The following OPN3 variants were observed in gnomAD, a reference collection of about 807,000 sequenced individuals.
The protein encoded by OPN3 is opsin-3.
In OPN3, 29 loss-of-function variants were observed where a neutral mutation model predicts 33.8. That is an observed-to-expected ratio of 0.86 (90% CI 0.64 to 1.17). The LOEUF (loss-of-function observed/expected upper bound fraction) is 1.17. Ranked by LOEUF, OPN3 falls within the 50% of genes most tolerant of loss-of-function variation. OPN3 has a pLI of 0.00. For synonymous variants in OPN3, 216 were observed against 216.1 expected (o/e 1.00, Z 0.00); for missense variants, 437 against 514.1 (o/e 0.85, Z 1.45).
intron 1 of OPN3, among the ~76,000 whole-genome samples, chr1:241,606,586 T>TAAATAAAA (rs774162885): frequency 3.0e-4 from 38 of 126,970 alleles, no homozygotes; most frequent in South Asian, 1.6e-3. Flanking sequence ...AATAAATAAA[T>TAAATAAAA]AAAATAAATA....
chr1:241,604,658 G>T, intron 1 of OPN3, 79 bp from the exon 2 acceptor site: 1 of 1,257,814 alleles, frequency 8.0e-7, no homozygotes, highest in Non-Finnish European at 1.1e-6. Flanking sequence ...ATTCTCCACT[G>T]GAAATACCTT....
chr1:241,609,023 A>G (rs1429525999), intron 1 of OPN3, among the ~76,000 whole-genome samples: 1 of 152,230 alleles, frequency 6.6e-6, no homozygotes, highest in Non-Finnish European at 1.5e-5. Flanking sequence ...TTTGATTCCC[A>G]CAACACTCCA....
intron 2 of OPN3, among the ~76,000 whole-genome samples, chr1:241,601,455 A>G (rs886404906): frequency 6.6e-6 from 1 of 152,124 alleles, no homozygotes; most frequent in African/African-American, 2.4e-5. Context: ...CTGTAATCCT[A>G]GCACTTTGGG....
At chr1:241,619,609 C>T (rs1263495182) in intron 1 of OPN3, among the ~76,000 whole-genome samples, 1 of 152,154 alleles carries the variant, frequency 6.6e-6, no homozygotes, top group Admixed American at 6.5e-5. Context: ...TAACTAAATG[C>T]CCTTGAGGTT....
In OPN3 at chr1:241,604,338, G is replaced by C. The variant is rs1558438498; in HGVS notation, c.615C>G (p.Phe205Leu). 3 of 1,614,188 alleles carry C rather than the reference G, an allele frequency of 1.9e-6. No individual in the cohort carries two copies. The South Asian group carries it at 3.3e-5, about 18-fold the overall frequency. ...KDANDSSFVLFLFLGCLVVPL... is the reference protein window; with the variant it reads ...KDANDSSFVLLLFLGCLVVPL... ...GCACCACCAGGCAGCCAAGAAATAA[G>C]AAAAGCACAAAGGAGGAATCGTTGG... Residue 205 changes from phenylalanine (F) to leucine (L), a missense_variant, in exon 2 of 4, where the codon TTC (phenylalanine) becomes TTG (leucine). Phe to Leu is a conservative substitution (Grantham distance 22). Transcript: ENST00000366554.
rs570648518 is a variant in OPN3, at chr1:241,639,825, C to CG, written c.373+56dup. On this transcript the variant is annotated intron_variant, in intron 1 of 3. Transcript: ENST00000366554. Reference sequence around the variant, plus strand: ...GGGGGCGGACGCACGGAGCGGGCAGCGGGGTGGGGAGTGGAAGTTTGCAGA... The same window carrying CG: ...GGGGGCGGACGCACGGAGCGGGCAGCGGGGGTGGGGAGTGGAAGTTTGCAGA... 337 of 1,333,268 alleles carry CG rather than the reference C, an allele frequency of 2.5e-4. 1 individual carries two copies. The African/African-American group carries it at 5.6e-3, about 22-fold the overall frequency. The allele number at this position is 1,333,268 out of a possible 1,614,324, so 82.6% of individuals were successfully genotyped here.
At chr1:241,627,443 C>T (rs1664452924) in intron 1 of OPN3, among the ~76,000 whole-genome samples, 1 of 152,170 alleles carries the variant, frequency 6.6e-6, no homozygotes, top group African/African-American at 2.4e-5. Flanking sequence ...CCAGGCAAGT[C>T]ACTTAACTCC....
intron 1 of OPN3, among the ~76,000 whole-genome samples, chr1:241,617,873 T>A (rs1664175798): frequency 6.6e-6 from 1 of 152,126 alleles, no homozygotes; most frequent in African/African-American, 2.4e-5. Context: ...ACTTGTGAGG[T>A]GGAGGCGTTG....
At chr1:241,610,643 C>T (rs1663964935) in intron 1 of OPN3, among the ~76,000 whole-genome samples, 1 of 152,102 alleles carries the variant, frequency 6.6e-6, no homozygotes. Context: ...GTGTGTCAGG[C>T]ACTGTGCTAG....
At chr1:241,639,657 A>T (rs374279072) in intron 1 of OPN3, among the ~76,000 whole-genome samples, 12 of 148,846 alleles carry the variant, frequency 8.1e-5, no homozygotes, top group African/African-American at 3.0e-4. Flanking sequence ...AGTCCTGGAC[A>T]GCGTGGGGCG....
intron 3 of OPN3, among the ~76,000 whole-genome samples, chr1:241,596,336 G>C (rs1168460120): frequency 6.6e-6 from 1 of 152,142 alleles, no homozygotes. Flanking sequence ...CAATTTCCAG[G>C]GTTTCAGTGG....
chr1:241,598,300 ATCTTCAAGTC>A (rs1305901384), intron 2 of OPN3, among the ~76,000 whole-genome samples: 1 of 152,078 alleles, frequency 6.6e-6, no homozygotes, highest in Non-Finnish European at 1.5e-5. Context: ...TTTTGCCTAG[ATCTTCAAGTC>A]TCTAAAAGAC....
chr1:241,638,343 G>A (rs1664982913), intron 1 of OPN3, among the ~76,000 whole-genome samples: 1 of 152,156 alleles, frequency 6.6e-6, no homozygotes, highest in African/African-American at 2.4e-5. Flanking sequence ...GAGGAAGAGG[G>A]TGGATGACAG....
chr1:241,605,010 T>C (rs1663787560), intron 1 of OPN3, among the ~76,000 whole-genome samples: 1 of 150,172 alleles, frequency 6.7e-6, no homozygotes, highest in East Asian at 2.0e-4. Flanking sequence ...GAGCTGAGAT[T>C]GCGCCACTGC....
At chr1:241,601,920 G>A (rs1020196046) in intron 2 of OPN3, among the ~76,000 whole-genome samples, 3 of 152,150 alleles carry the variant, frequency 2.0e-5, no homozygotes, top group Admixed American at 1.3e-4. Flanking sequence ...AGATTTTAGG[G>A]AAAATATGAC....
intron 1 of OPN3, among the ~76,000 whole-genome samples, chr1:241,626,404 C>A (rs904901751): frequency 6.9e-6 from 1 of 145,264 alleles, no homozygotes; most frequent in African/African-American, 2.6e-5. Flanking sequence ...AAACTATTTC[C>A]AGTGCAATTC....
In OPN3 at chr1:241,640,066, G is replaced by T. The variant is rs1411465605; in HGVS notation, c.189C>A (p.Leu63=). Residue 63 remains leucine, a synonymous_variant, in exon 1 of 4, where the codon CTC becomes CTA. Coordinates refer to ENST00000366554, the MANE Select transcript of OPN3 (RefSeq NM_014322.3). The part of the protein sequence containing the change: ...LLGVGNNLLV[L]VLYYKFQRLR... ...GCCGCTGGAACTTGTAGTAGAGGAC[G>T]AGCACCAGCAGGTTGTTGCCGACGC... 1.2e-6 allele frequency: 2 copies of T among 1,611,812 alleles called. No homozygotes were observed. The highest frequency in any genetic ancestry group is 3.3e-5 in the Admixed American group (2 of 59,778).
In OPN3 at chr1:241,623,702, T is replaced by C. The variant is rs188788612; in HGVS notation, c.373+16180A>G. 7.9e-5 allele frequency among the ~76,000 whole-genome samples: 12 copies of C among 152,372 alleles called. No individual in the cohort carries two copies. In the East Asian group the frequency reaches 1.3e-3, roughly 17 times the overall value. ...CTTTCCCTCTCTACCTAACTTGTAA[T>C]GTAGACATTTTCCAAATCCTGTATT... On this transcript the variant is annotated intron_variant, in intron 1 of 3. Transcript: ENST00000366554.
At chr1:241,613,515 C>A (rs926591969) in intron 1 of OPN3, among the ~76,000 whole-genome samples, 4 of 152,132 alleles carry the variant, frequency 2.6e-5, no homozygotes, top group African/African-American at 9.7e-5. Context: ...ATATTTAATC[C>A]ATTGTCTGCT....
Sources: allele counts gnomAD v4.1 joint callset (sites outside exome capture counted in the v4.1 genomes callset), GRCh38; gene constraint gnomAD v4.1.1; transcripts MANE v1.5; gene names NCBI Gene and HGNC (gene_info 2026-07-23, HGNC 2026-07-21).